The following SOBP variants were observed in gnomAD, a reference collection of about 807,000 sequenced individuals.
SOBP encodes the protein sine oculis-binding protein homolog.
Under a neutral mutation model 53.6 loss-of-function variants are expected in SOBP, and 4 were observed. The ratio of observed to expected loss-of-function variants is 0.07; its 90% CI spans 0.04 to 0.17. SOBP has a LOEUF of 0.17. Ranked by LOEUF, SOBP falls within the 10% of genes least tolerant of loss-of-function variation. The probability of loss-of-function intolerance (pLI) is 1.00; values close to 1 mark genes in which losing one functional copy is unlikely to be tolerated. For synonymous variants in SOBP, 584 were observed against 522.6 expected, an observed-to-expected ratio of 1.12 and a Z score of -1.60; for missense variants, 1,088 against 1,204.7, an observed-to-expected ratio of 0.90 and a Z score of 1.43.
chr6:107,537,547 G>A (rs560795162), intron 4 of SOBP, among the ~76,000 whole-genome samples: 6 of 152,174 alleles, frequency 3.9e-5, no homozygotes, highest in East Asian at 1.9e-4. Flanking sequence ...AAGGCCGGGC[G>A]CCATGGCTCA....
At chr6:107,644,049 C>T (rs1237455688) in intron 6 of SOBP, among the ~76,000 whole-genome samples, 1 of 152,216 alleles carries the variant, frequency 6.6e-6, no homozygotes, top group Non-Finnish European at 1.5e-5. Flanking sequence ...CTCCTGTAAT[C>T]CCAGCACATT....
intron 6 of SOBP, among the ~76,000 whole-genome samples, chr6:107,649,062 A>G: frequency 6.7e-6 from 1 of 150,090 alleles, no homozygotes; most frequent in East Asian, 2.0e-4. Context: ...CCAGCTACTC[A>G]GGAGGCTGAG....
chr6:107,490,328 T>TGCGGCGGCG lies in SOBP; in HGVS notation c.-277_-269dup, dbSNP rs529959813. On this transcript the variant is annotated 5_prime_UTR_variant, in exon 1 of 7. Coordinates refer to ENST00000317357, the MANE Select transcript of SOBP (RefSeq NM_018013.4). ...CAGCGGCAGCAGCGGCGGCGTTGGC[T>TGCGGCGGCG]GCGGCGGCGGCGGCGGCGGCAGCAG... 2 of 150,834 alleles carry TGCGGCGGCG rather than the reference T, an allele frequency of 1.3e-5. No individual in the cohort carries two copies. The highest frequency in any genetic ancestry group is 5.0e-5 in the African/African-American group (2 of 39,726). 9.3% of individuals were successfully genotyped at this position (150,834 alleles called of 1,614,324 possible).
intron 4 of SOBP, among the ~76,000 whole-genome samples, chr6:107,549,404 T>C (rs1784401742): frequency 6.6e-6 from 1 of 151,366 alleles, no homozygotes; most frequent in South Asian, 2.1e-4. Context: ...ACAAATTGAT[T>C]ATAGAAGCTT....
chr6:107,604,014 T>G (rs923982154), intron 5 of SOBP, among the ~76,000 whole-genome samples: 4 of 152,224 alleles, frequency 2.6e-5, no homozygotes, highest in African/African-American at 9.6e-5. Context: ...TGACCATATG[T>G]CCCAAGATTT....
chr6:107,634,944 G>T lies in SOBP; in HGVS notation c.2100G>T (p.Pro700=). The change falls in exon 6 of 7, where the codon CCG becomes CCT. Residue 700 remains proline (P), a synonymous_variant. Coordinates refer to ENST00000317357, the MANE Select transcript of SOBP (RefSeq NM_018013.4). The surrounding 1 kb of genome is among the most constrained non-coding windows in gnomAD (Gnocchi z 4.5). ...CGGCRDGHCS[P]PAAGDPGPGA... Reference sequence around the variant, plus strand: ...GCTGCAGGGACGGCCACTGCAGCCCGCCCGCCGCCGGCGACCCAGGCCCGG... The same window carrying T: ...GCTGCAGGGACGGCCACTGCAGCCCTCCCGCCGCCGGCGACCCAGGCCCGG... 2 of 1,065,782 alleles carry T rather than the reference G, an allele frequency of 1.9e-6. No homozygotes were observed. 66.0% of individuals were successfully genotyped at this position (1,065,782 alleles called of 1,614,324 possible).
intron 4 of SOBP, among the ~76,000 whole-genome samples, chr6:107,581,664 A>C (rs959159041): frequency 7.2e-5 from 11 of 152,356 alleles, no homozygotes; most frequent in African/African-American, 2.4e-4. Flanking sequence ...GCATTTGAGA[A>C]AGGAAGGCTA....
intron 5 of SOBP, among the ~76,000 whole-genome samples, chr6:107,632,634 A>G (rs892074027): frequency 2.0e-5 from 3 of 152,238 alleles, no homozygotes; most frequent in Admixed American, 2.0e-4. Context: ...GCTGAGAATG[A>G]GTATTTTTTG....
chr6:107,634,621 A>G lies in SOBP; in HGVS notation c.1777A>G (p.Lys593Glu). 1 of 1,592,014 alleles carries G rather than the reference A, an allele frequency of 6.3e-7. No homozygotes were observed. Among genetic ancestry groups the G allele is most frequent in the Non-Finnish European group, 8.5e-7 (1 of 1,175,430 alleles). ...CCGGGACTCCAAGCAGGGCTCGTCC[A>G]AGTCCGCGGACTCGCCCCCCGGCTG... ...SPRDSKQGSSKSADSPPGCSG... is the reference protein window; with the variant it reads ...SPRDSKQGSSESADSPPGCSG... Residue 593 changes from lysine (K) to glutamate (E), a missense_variant, in exon 6 of 7, where the codon AAG (lysine) becomes GAG (glutamate). Lys to Glu is a moderately conservative substitution (Grantham distance 56). Around this residue, in one of 6 missense-constraint regions of SOBP, gnomAD observed 665 missense variants for 629.7 expected, o/e 1.06. Transcript: ENST00000317357. This position sits in a 1 kb window ranked among gnomAD's most constrained non-coding sequence, Gnocchi z 4.5.
intron 4 of SOBP, among the ~76,000 whole-genome samples, chr6:107,571,896 A>G (rs1785083481): frequency 6.6e-6 from 1 of 152,258 alleles, no homozygotes; most frequent in African/African-American, 2.4e-5. Flanking sequence ...ACAAATGAGC[A>G]TAAACATTAT....
intron 5 of SOBP, among the ~76,000 whole-genome samples, chr6:107,598,047 A>G (rs988133114): frequency 2.0e-5 from 3 of 152,230 alleles, no homozygotes; most frequent in South Asian, 2.1e-4. Context: ...ACATGCATTT[A>G]TTAGGTACCT....
chr6:107,512,494 G>A (rs945056075), intron 3 of SOBP, among the ~76,000 whole-genome samples: 1 of 152,222 alleles, frequency 6.6e-6, no homozygotes, highest in Non-Finnish European at 1.5e-5. Flanking sequence ...AAGGGATTTT[G>A]AATACATATC....
At chr6:107,608,921 A>G (rs1421470240) in intron 5 of SOBP, among the ~76,000 whole-genome samples, 1 of 152,242 alleles carries the variant, frequency 6.6e-6, no homozygotes, top group Non-Finnish European at 1.5e-5. Flanking sequence ...CCTTAGCCTG[A>G]CACAGAAACA....
chr6:107,554,166 T>C (rs998964044), intron 4 of SOBP, among the ~76,000 whole-genome samples: 2 of 152,162 alleles, frequency 1.3e-5, no homozygotes, highest in African/African-American at 2.4e-5. Flanking sequence ...TAATAAACTT[T>C]ACAGTATTAG....
At chr6:107,521,506 C>A (rs1413553711) in intron 3 of SOBP, among the ~76,000 whole-genome samples, 1 of 152,096 alleles carries the variant, frequency 6.6e-6, no homozygotes, top group African/African-American at 2.4e-5. Flanking sequence ...CATATGCAGG[C>A]AGGAATTCTT....
At chr6:107,548,345 C>T (rs1342749967) in intron 4 of SOBP, among the ~76,000 whole-genome samples, 2 of 151,762 alleles carry the variant, frequency 1.3e-5, no homozygotes, top group African/African-American at 2.4e-5. Flanking sequence ...GTTCCACCTC[C>T]TGGGTTCCTG....
chr6:107,496,908 C>T (rs1028116936), intron 1 of SOBP, among the ~76,000 whole-genome samples: 6 of 152,168 alleles, frequency 3.9e-5, no homozygotes, highest in African/African-American at 1.4e-4. Flanking sequence ...CTTGGCAGAA[C>T]CATAAAATAA....
chr6:107,521,292 C>T (rs1311035144), intron 3 of SOBP, among the ~76,000 whole-genome samples: 1 of 151,472 alleles, frequency 6.6e-6, no homozygotes, highest in African/African-American at 2.4e-5. Context: ...AATTTTTAGG[C>T]TTCACTATGA....
chr6:107,558,675 TATA>T (rs1346866482), intron 4 of SOBP, among the ~76,000 whole-genome samples: 10 of 150,754 alleles, frequency 6.6e-5, no homozygotes, highest in Admixed American at 5.3e-4. Flanking sequence ...ATTAATAAAA[TATA>T]ATAAATATAT....
Sources: allele counts gnomAD v4.1 joint callset (sites outside exome capture counted in the v4.1 genomes callset), GRCh38; gene constraint gnomAD v4.1.1; regional missense constraint gnomAD v4.1.1; non-coding constraint Gnocchi (gnomAD v3.1); transcripts MANE v1.5; gene names NCBI Gene and HGNC (gene_info 2026-07-23, HGNC 2026-07-21).